MYO1F: variants seen among roughly 807,000 people sequenced by gnomAD.
The protein encoded by MYO1F is myosin IF.
A neutral mutation model predicts 146.6 loss-of-function variants in MYO1F; 60 were observed. The observed-to-expected ratio is 0.41, with a 90% CI of 0.33 to 0.51. The LOEUF (loss-of-function observed/expected upper bound fraction) is 0.51, where lower values mean the gene tolerates loss of function less well. Ranked by LOEUF, MYO1F falls within the 20% of genes least tolerant of loss-of-function variation. The pLI is 0.25. For synonymous variants in MYO1F, 602 were observed against 602.1 expected, an observed-to-expected ratio of 1.00 and a Z score of 0.00; for missense variants, 1,274 against 1,534.3, an observed-to-expected ratio of 0.83 and a Z score of 2.83.
intron 14 of MYO1F, 24 bp downstream of exon 14, chr19:8,544,273 G>A (rs763032433): frequency 7.2e-5 from 116 of 1,612,170 alleles, no homozygotes; most frequent in Non-Finnish European, 9.5e-5. Flanking sequence ...GAGGCACAGG[G>A]TAGGGTAGGG....
chr19:8,550,529 C>T, intron 9 of MYO1F, 33 bp downstream of exon 9: 1 of 1,614,074 alleles, frequency 6.2e-7, no homozygotes, highest in Non-Finnish European at 8.5e-7. Context: ...ACCCACAGGC[C>T]TCCATCCAGC....
intron 1 of MYO1F, among the ~76,000 whole-genome samples, chr19:8,559,622 T>C (rs888537995): frequency 2.0e-5 from 3 of 151,658 alleles, no homozygotes; most frequent in African/African-American, 7.3e-5. Context: ...GCCTGAGTGG[T>C]CGTGAGGATA....
At position 8,544,226 on chromosome 19, in the gene MYO1F, G is replaced by A; in HGVS notation, c.1524+71C>T. ...CTCTTTCCAGCCTGGGTGCTGGAGG[G>A]TGGGGGCTACAGCCTGGAGCCCTGG... is the stretch of plus-strand genomic sequence containing the variant. On this transcript the variant is annotated intron_variant, in intron 14 of 27. Coordinates refer to ENST00000644032, the MANE Select transcript of MYO1F (RefSeq NM_012335.4). 5 of 1,522,188 alleles carry A rather than the reference G, an allele frequency of 3.3e-6. No individual in the cohort carries two copies. The South Asian group carries it at 5.6e-5, about 17-fold the overall frequency. 94.3% of individuals were successfully genotyped at this position (1,522,188 alleles called of 1,614,324 possible).
intron 15 of MYO1F, among the ~76,000 whole-genome samples, chr19:8,541,130 T>C (rs1439590843): frequency 6.6e-6 from 1 of 152,048 alleles, no homozygotes; most frequent in African/African-American, 2.4e-5. Flanking sequence ...ACTATAGGCA[T>C]GTGCCACCAC....
intron 10 of MYO1F, 108 bp from the exon 11 acceptor site, chr19:8,548,425 T>A: frequency 1.0e-6 from 1 of 982,678 alleles, no homozygotes; most frequent in Non-Finnish European, 1.6e-6. Flanking sequence ...TGATGTCCCC[T>A]CATGCCAGTT....
chr19:8,550,271 C>T lies in MYO1F; in HGVS notation c.990G>A (p.Trp330Ter). The change falls in exon 10 of 28, where the codon TGG becomes TGA. Residue 330 changes from tryptophan (W) to a stop codon, truncating the protein, a stop_gained. Transcript: ENST00000644032. LOFTEE classifies it high-confidence loss of function. ...KLTSRKMDSR[W>*]GGRSESINVT... ...CATTGATGGACTCGCTGCGCCCGCC[C>T]CAGCGGCTGTCCATCTTGCGGCTGG... 6.2e-7 allele frequency: 1 copy of T among 1,614,206 alleles called. No individual in the cohort carries two copies. Among genetic ancestry groups the T allele is most frequent in the Non-Finnish European group, 8.5e-7 (1 of 1,180,054 alleles).
At chr19:8,544,556 T>C in intron 13 of MYO1F, 92 bp from the exon 14 acceptor site, 1 of 966,796 alleles carries the variant, frequency 1.0e-6, no homozygotes, top group East Asian at 4.1e-5. Flanking sequence ...AGGGAGGGGG[T>C]GGAGGAGTGG....
In MYO1F at chr19:8,527,327, C is replaced by G; in HGVS notation, c.2474+11G>C. 2.5e-6 allele frequency: 4 copies of G among 1,613,870 alleles called. No individual in the cohort carries two copies. Among genetic ancestry groups the G allele is most frequent in the Non-Finnish European group, 3.4e-6 (4 of 1,179,962 alleles). On this transcript the variant is annotated intron_variant, in intron 22 of 27. Transcript: ENST00000644032. ...AGAGTGACTGTGCGGCAGGTAAGGACCTGGCTTCACCTGAGGGAGACTCCC... is the reference window on the plus strand; with the variant it reads ...AGAGTGACTGTGCGGCAGGTAAGGAGCTGGCTTCACCTGAGGGAGACTCCC...
intron 19 of MYO1F, among the ~76,000 whole-genome samples, chr19:8,532,065 C>T (rs183217821): frequency 2.5e-3 from 386 of 151,916 alleles, no homozygotes; most frequent in Non-Finnish European, 5.0e-3. Flanking sequence ...TTGCAGTGAG[C>T]GGAGATTGCG....
At chr19:8,528,047 C>T (rs933208974) in intron 21 of MYO1F, among the ~76,000 whole-genome samples, 1 of 151,932 alleles carries the variant, frequency 6.6e-6, no homozygotes, top group Admixed American at 6.6e-5. Context: ...CATGGTGAAA[C>T]CCCGTCTCTA....
At chr19:8,563,015 C>T (rs186010157) in intron 1 of MYO1F, among the ~76,000 whole-genome samples, 7 of 146,076 alleles carry the variant, frequency 4.8e-5, no homozygotes, top group Non-Finnish European at 1.5e-5. Flanking sequence ...GTTTTGATAC[C>T]GAGTCTCACT....
rs1416699822 is a variant in MYO1F, at chr19:8,530,454, C to T, written c.2158+5G>A. The T allele has an allele frequency of 1.9e-6, 3 of 1,613,694 alleles. No homozygotes were observed. Among genetic ancestry groups the T allele is most frequent in the Non-Finnish European group, 2.5e-6 (3 of 1,180,038 alleles). ...ACCCCGCGCCGTTTACCCGAAGCCT[C>T]TCACCTTCCTCCCGCATCTCCTCGT... On this transcript the variant is annotated splice_donor_5th_base_variant and intron_variant, in intron 20 of 27. Transcript: ENST00000644032. This position sits in a 1 kb window ranked among gnomAD's most constrained non-coding sequence, Gnocchi z 5.8.
chr19:8,568,626 T>G (rs745609674), intron 1 of MYO1F, among the ~76,000 whole-genome samples: 4 of 151,488 alleles, frequency 2.6e-5, no homozygotes, highest in Admixed American at 6.6e-5. Context: ...TTTCTCCTCT[T>G]TGCAAGTGGA....
rs1568381338 is a variant in MYO1F, at chr19:8,574,601, CTTTCTTTCTTTCTT to C, written c.3+2692_3+2705del. 9.3e-3 allele frequency among the ~76,000 whole-genome samples: 600 copies of C among 64,508 alleles called. 5 individuals carry two copies. Among genetic ancestry groups the C allele is most frequent in the African/African-American group, 0.029 (429 of 15,012 alleles). 42.3% of individuals were successfully genotyped at this position (64,508 alleles called of 152,430 possible). On this transcript the variant is annotated intron_variant, in intron 1 of 27. Transcript: ENST00000644032. ...TTTCTCTCTCTCTCTCTCTCTCTTT[CTTTCTTTCTTTCTT>C]TCTTTCTTTCTTTCTTTCTTTCTTT... is the stretch of plus-strand genomic sequence containing the variant.
Position 8,550,178 on chromosome 19 carries a change from G to C in MYO1F, c.1083C>G (p.Leu361=). 6.2e-7 allele frequency: 1 copy of C among 1,614,114 alleles called. No homozygotes were observed. Residue 361 remains leucine (L), a synonymous_variant, in exon 10 of 28, where the codon CTC becomes CTG. Coordinates refer to ENST00000644032, the MANE Select transcript of MYO1F (RefSeq NM_012335.4). The stretch of plus-strand genomic sequence containing the variant: ...CACTCGCCTCCACGAGGAAGTCGAA[G>C]AGGCGGGCATAGAGCCCCTTGGCCA... ...DALAKGLYAR[L]FDFLVEAINR...
chr19:8,537,084 G>T (rs56328846), intron 16 of MYO1F, 29 bp from the exon 17 acceptor site: 1 of 1,495,766 alleles, frequency 6.7e-7, no homozygotes, highest in Non-Finnish European at 9.3e-7. Flanking sequence ...CGGGTGGGTG[G>T]GGGGCACAGA....
chr19:8,544,474 G>T lies in MYO1F; in HGVS notation c.1357-10C>A. On this transcript the variant is annotated splice_polypyrimidine_tract_variant and intron_variant, in intron 13 of 27. Coordinates refer to ENST00000644032, the MANE Select transcript of MYO1F (RefSeq NM_012335.4). Reference sequence around the variant, plus strand: ...TGATGCCTGGGGGGCTCTGCGGGGCGAGCGGGAGCCAGCAGCGGCTCAGTT... The same window carrying T: ...TGATGCCTGGGGGGCTCTGCGGGGCTAGCGGGAGCCAGCAGCGGCTCAGTT... 6.2e-7 allele frequency: 1 copy of T among 1,605,246 alleles called. No homozygotes were observed. Among genetic ancestry groups the T allele is most frequent in the South Asian group, 1.1e-5 (1 of 90,954 alleles).
At chr19:8,560,746 T>TTTTTC (rs920073181) in intron 1 of MYO1F, among the ~76,000 whole-genome samples, 10 of 146,782 alleles carry the variant, frequency 6.8e-5, no homozygotes, top group Non-Finnish European at 1.5e-4. Context: ...TGGCTAATTT[T>TTTTTC]TTTTTTTTTT....
In MYO1F at chr19:8,541,468, G is replaced by A. The variant is rs572767515; in HGVS notation, c.1610+438C>T. Among the ~76,000 whole-genome samples the A allele has an allele frequency of 3.1e-3, 405 of 131,116 alleles. 3 individuals are homozygous for A. The highest frequency in any genetic ancestry group is 5.0e-3 in the Non-Finnish European group (320 of 64,426). 86.0% of individuals were successfully genotyped at this position (131,116 alleles called of 152,430 possible). ...TTTTGAGACAGAATCTCCCTCTGTC[G>A]CCCAGGCTGGAGTGCAGTGGCACAA... On this transcript the variant is annotated intron_variant, in intron 15 of 27. Transcript: ENST00000644032.
Sources: allele counts gnomAD v4.1 joint callset (sites outside exome capture counted in the v4.1 genomes callset), GRCh38; gene constraint gnomAD v4.1.1; non-coding constraint Gnocchi (gnomAD v3.1); transcripts MANE v1.5; gene names NCBI Gene and HGNC (gene_info 2026-07-23, HGNC 2026-07-21).